VEZT: variants seen among roughly 807,000 people sequenced by gnomAD.
VEZT encodes vezatin, adherens junctions transmembrane protein.
In VEZT, 39 loss-of-function variants were observed where a neutral mutation model predicts 79.9. The ratio of observed to expected loss-of-function variants is 0.49; its 90% CI spans 0.38 to 0.64. VEZT has a LOEUF of 0.64. Among genes scored for constraint, VEZT ranks in the 30% least tolerant of loss-of-function variants. The probability of loss-of-function intolerance (pLI) is 0.00; values close to 1 mark genes in which losing one functional copy is unlikely to be tolerated. For synonymous variants in VEZT, 325 were observed against 327.6 expected (o/e 0.99, Z 0.09); for missense variants, 837 against 893.1 (o/e 0.94, Z 0.80).
At chr12:95,297,487 C>A (rs183062349) in intron 11 of VEZT, among the ~76,000 whole-genome samples, 1 of 152,076 alleles carries the variant, frequency 6.6e-6, no homozygotes, top group East Asian at 1.9e-4. Context: ...TCCCATTGGC[C>A]CCCTTTATAG....
chr12:95,229,666 G>A (rs536095524), intron 1 of VEZT, among the ~76,000 whole-genome samples: 1 of 152,180 alleles, frequency 6.6e-6, no homozygotes, highest in African/African-American at 2.4e-5. Flanking sequence ...TAGAAATCCT[G>A]ACTCAATTTT....
chr12:95,225,203 G>C (rs576027515), intron 1 of VEZT, among the ~76,000 whole-genome samples: 1 of 152,140 alleles, frequency 6.6e-6, no homozygotes, highest in African/African-American at 2.4e-5. Flanking sequence ...GATTATCATC[G>C]GAAGGCCTAC....
chr12:95,295,456 G>A (rs915704575), intron 10 of VEZT, among the ~76,000 whole-genome samples: 11 of 152,170 alleles, frequency 7.2e-5, no homozygotes, highest in African/African-American at 1.9e-4. Context: ...CACCGCGCCC[G>A]GCTGGTGCCT....
chr12:95,281,944 ATATATATATG>A (rs2069247626), intron 7 of VEZT, among the ~76,000 whole-genome samples: 1 of 151,998 alleles, frequency 6.6e-6, no homozygotes, highest in African/African-American at 2.4e-5. Flanking sequence ...AAAAAAATAT[ATATATATATG>A]TATATATATC....
Position 95,300,279 on chromosome 12 carries a change from A to C in VEZT, c.1946A>C (p.Asn649Thr). ...VSKNDTEEES[N>T]KSATTDNEIS... ...AAAAATGATACTGAAGAGGAAAGTA[A>C]TAAATCCGCCACAACAGACAATGAA... The change falls in exon 12 of 12, where the codon AAT becomes ACT. Residue 649 changes from asparagine to threonine, a missense_variant. Physicochemically the swap from Asn to Thr is moderately conservative, Grantham distance 65. Transcript: ENST00000436874. 1 of 1,600,174 alleles carries C rather than the reference A, an allele frequency of 6.2e-7. No individual in the cohort carries two copies. Among genetic ancestry groups the C allele is most frequent in the South Asian group, 1.1e-5 (1 of 88,534 alleles).
chr12:95,300,050 C>A, intron 11 of VEZT, 115 bp from the exon 12 acceptor site: 1 of 579,998 alleles, frequency 1.7e-6, no homozygotes, highest in Non-Finnish European at 2.6e-6. Flanking sequence ...TTTTATTTAG[C>A]TTTTATTTAT....
intron 10 of VEZT, among the ~76,000 whole-genome samples, chr12:95,295,134 T>A (rs993707282): frequency 6.6e-6 from 1 of 152,168 alleles, no homozygotes; most frequent in Non-Finnish European, 1.5e-5. Flanking sequence ...ATCTGCAACA[T>A]CCTGCCAGAA....
chr12:95,242,733 C>T (rs752316429), intron 1 of VEZT, among the ~76,000 whole-genome samples: 28 of 152,164 alleles, frequency 1.8e-4, no homozygotes, highest in Middle Eastern at 6.8e-3. Context: ...GTCAGCTGGG[C>T]GTGGTGGCTG....
chr12:95,287,240 G>A (rs958925719), intron 8 of VEZT, among the ~76,000 whole-genome samples: 1 of 152,002 alleles, frequency 6.6e-6, no homozygotes, highest in Non-Finnish European at 1.5e-5. Flanking sequence ...CAGTTCAGTG[G>A]CATTAAGTGT....
At chr12:95,244,201 T>C (rs1036596453) in intron 1 of VEZT, among the ~76,000 whole-genome samples, 6 of 151,918 alleles carry the variant, frequency 3.9e-5, no homozygotes, top group Admixed American at 3.9e-4. Context: ...GAGACCAGCC[T>C]GGGCAACATA....
At chr12:95,289,089 A>AAAAAAAATAAAT (rs1555292132) in intron 9 of VEZT, among the ~76,000 whole-genome samples, 1 of 101,726 alleles carries the variant, frequency 9.8e-6, no homozygotes, top group East Asian at 3.0e-4. Flanking sequence ...CTCAAAAAAA[A>AAAAAAAATAAAT]AAATAAATAA....
chr12:95,239,837 A>G (rs2060651217), intron 1 of VEZT, among the ~76,000 whole-genome samples: 1 of 152,108 alleles, frequency 6.6e-6, no homozygotes. Context: ...CTTTAATCCC[A>G]GCTACTCGGG....
At chr12:95,250,058 G>GT (rs2062292432) in intron 1 of VEZT, among the ~76,000 whole-genome samples, 2 of 118,080 alleles carry the variant, frequency 1.7e-5, no homozygotes, top group African/African-American at 3.5e-5. Context: ...CCTAATTATA[G>GT]TCTTTTTTTT....
chr12:95,282,456 T>C lies in VEZT; in HGVS notation c.1140T>C (p.Gly380=), dbSNP rs763653819. ...PHRILSDVTQ[G]LPHAHSACLE... Reference sequence around the variant, plus strand: ...GTATCTTATCTGATGTGACTCAAGGTCTACCTCATGCTCATTCTGCCTGTT... The same window carrying C: ...GTATCTTATCTGATGTGACTCAAGGCCTACCTCATGCTCATTCTGCCTGTT... The change falls in exon 8 of 12, where the codon GGT becomes GGC. Residue 380 remains glycine (G), a synonymous_variant. Transcript: ENST00000436874. 1.2e-6 allele frequency: 2 copies of C among 1,613,956 alleles called. No individual in the cohort carries two copies. Among genetic ancestry groups the C allele is most frequent in the East Asian group, 4.5e-5 (2 of 44,866 alleles).
At chr12:95,281,950 A>G (rs1328673413) in intron 7 of VEZT, among the ~76,000 whole-genome samples, 1 of 152,002 alleles carries the variant, frequency 6.6e-6, no homozygotes, top group Admixed American at 6.6e-5. Context: ...ATATATATAT[A>G]TATGTATATA....
rs1208983113 is a variant in VEZT, at chr12:95,260,370, T to G, written c.259-2536T>G. Reference sequence around the variant, plus strand: ...ATCTGCCCGCCTTAGCCTCCCAAAGTGCTGGGATTACAGGGGTGAACCACA... The same window carrying G: ...ATCTGCCCGCCTTAGCCTCCCAAAGGGCTGGGATTACAGGGGTGAACCACA... On this transcript the variant is annotated intron_variant, in intron 3 of 11. Transcript: ENST00000436874. Among the ~76,000 whole-genome samples the G allele has an allele frequency of 2.0e-5, 3 of 152,154 alleles. No homozygotes were observed. The East Asian group carries it at 5.8e-4, about 29-fold the overall frequency.
intron 1 of VEZT, chr12:95,218,186 G>T (rs571628531): frequency 1.4e-5 from 4 of 281,450 alleles, no homozygotes; most frequent in Non-Finnish European, 2.0e-5. Context: ...ATGTGCGGCG[G>T]GGGGGACTGC....
chr12:95,262,909 A>G lies in VEZT; in HGVS notation c.262A>G (p.Ile88Val), dbSNP rs1271426791. ...CTTCTGGTATTTTAATGGCAAGGATATTGGATTCCGACTCGACTCATTACA... is the reference window on the plus strand; with the variant it reads ...CTTCTGGTATTTTAATGGCAAGGATGTTGGATTCCGACTCGACTCATTACA... ...KKDDLLHKLD[I>V]GFRLDSLHTI... Residue 88 changes from isoleucine to valine, a missense_variant, in exon 4 of 12, where the codon ATT becomes GTT. Physicochemically the swap from Ile to Val is conservative, Grantham distance 29. Transcript: ENST00000436874. 1 of 1,586,976 alleles carries G rather than the reference A, an allele frequency of 6.3e-7. No individual in the cohort carries two copies. The highest frequency in any genetic ancestry group is 1.1e-5 in the South Asian group (1 of 88,312).
chr12:95,222,323 A>C (rs2057738335), intron 1 of VEZT, among the ~76,000 whole-genome samples: 1 of 152,194 alleles, frequency 6.6e-6, no homozygotes, highest in Admixed American at 6.5e-5. Context: ...TGATTTTTGT[A>C]TGGTAACAAG....
Sources: gnomAD v4.1 joint callset for allele counts (sites outside exome capture counted in the v4.1 genomes callset) on GRCh38, gnomAD v4.1.1 for gene constraint, MANE v1.5 for transcripts, NCBI Gene and HGNC (gene_info 2026-07-23, HGNC 2026-07-21) for gene names.